The following SNX30 variants were observed in gnomAD, a reference collection of about 807,000 sequenced individuals.
SNX30 encodes the protein sorting nexin-30.
Under a neutral mutation model 46.4 loss-of-function variants are expected in SNX30, and 24 were observed. The observed-to-expected ratio is 0.52, with a 90% CI of 0.37 to 0.73. SNX30 has a LOEUF of 0.73. SNX30 is among the 30% of genes least tolerant of loss of function. SNX30 has a pLI of 0.00. For synonymous variants in SNX30, 189 were observed against 211.5 expected, an observed-to-expected ratio of 0.89 and a Z score of 0.92; for missense variants, 533 against 555.7, an observed-to-expected ratio of 0.96 and a Z score of 0.41.
intron 3 of SNX30, among the ~76,000 whole-genome samples, chr9:112,823,049 T>A (rs1191306420): frequency 6.6e-6 from 1 of 152,220 alleles, no homozygotes; most frequent in Non-Finnish European, 1.5e-5. Context: ...CAAACTAAAT[T>A]TTACTATAGG....
At chr9:112,772,002 C>T (rs1028680686) in intron 1 of SNX30, among the ~76,000 whole-genome samples, 1 of 152,180 alleles carries the variant, frequency 6.6e-6, no homozygotes, top group Non-Finnish European at 1.5e-5. Context: ...GGCAAACCTT[C>T]GGTTGTTTCA....
chr9:112,878,732 G>A (rs1197477121), downstream of SNX30: 1 of 152,248 alleles, frequency 6.6e-6, no homozygotes, highest in Non-Finnish European at 1.5e-5. Context: ...CACCTAGCAT[G>A]GGGCCTGGAC....
chr9:112,838,825 C>T (rs1036748582), intron 6 of SNX30, 128 bp downstream of exon 6: 43 of 761,048 alleles, frequency 5.7e-5, no homozygotes, highest in Non-Finnish European at 8.3e-5. Context: ...GGATCAGACA[C>T]GTGGACTGAC....
intron 1 of SNX30, among the ~76,000 whole-genome samples, chr9:112,783,845 A>G (rs1179529153): frequency 6.6e-6 from 1 of 152,194 alleles, no homozygotes; most frequent in Non-Finnish European, 1.5e-5. Flanking sequence ...GAAGCAAATT[A>G]CTGAAGGTGA....
At chr9:112,834,882 A>ACACACACACACACC (rs56385707) in intron 4 of SNX30, among the ~76,000 whole-genome samples, 2,316 of 105,230 alleles carry the variant, frequency 0.022, 64 homozygotes, top group African/African-American at 0.03. Context: ...ACACACACAC[A>ACACACACACACACC]CCTACCTCAA....
At chr9:112,778,862 G>A (rs1660173684) in intron 1 of SNX30, among the ~76,000 whole-genome samples, 1 of 142,768 alleles carries the variant, frequency 7.0e-6, no homozygotes, top group South Asian at 2.4e-4. Context: ...TTATGAAAGA[G>A]CTAGGTACAG....
intron 3 of SNX30, among the ~76,000 whole-genome samples, chr9:112,825,003 C>T (rs915549708): frequency 6.6e-6 from 1 of 152,196 alleles, no homozygotes; most frequent in African/African-American, 2.4e-5. Flanking sequence ...CAATTCCCTC[C>T]TTTTCCCAGC....
At chr9:112,794,036 A>G (rs192969941) in intron 1 of SNX30, among the ~76,000 whole-genome samples, 2 of 152,218 alleles carry the variant, frequency 1.3e-5, no homozygotes, top group East Asian at 3.9e-4. Flanking sequence ...ACATCTTTGA[A>G]CAGAACATTT....
intron 1 of SNX30, among the ~76,000 whole-genome samples, chr9:112,758,100 A>G (rs1564258061): frequency 6.6e-6 from 1 of 152,082 alleles, no homozygotes; most frequent in Non-Finnish European, 1.5e-5. Flanking sequence ...GCCACCAGAA[A>G]GGAACTTCCC....
At chr9:112,853,451 C>T (rs778778674) in intron 7 of SNX30, among the ~76,000 whole-genome samples, 2 of 152,224 alleles carry the variant, frequency 1.3e-5, no homozygotes, top group African/African-American at 2.4e-5. Flanking sequence ...CTACTGAAGC[C>T]ATGTCTCAGT....
Position 112,791,399 on chromosome 9 carries a change from C to CTTTTTTTTTTTTTTTTTTTT in SNX30, c.157-13367_157-13348dup, listed in dbSNP as rs386415930. On this transcript the variant is annotated intron_variant, in intron 1 of 8. Transcript: ENST00000374232. ...AAATACTTTTAAACATATTTAGGAACTTTTTTTTTTTTTTTTTTTTTTTTT... is the reference window on the plus strand; with the variant it reads ...AAATACTTTTAAACATATTTAGGAACTTTTTTTTTTTTTTTTTTTTTTTTTTTTTTTTTTTTTTTTTTTTT... Among the ~76,000 whole-genome samples the CTTTTTTTTTTTTTTTTTTTT allele has an allele frequency of 1.5e-4, 10 of 67,476 alleles. 3 individuals carry two copies. The highest frequency in any genetic ancestry group is 6.1e-4 in the African/African-American group (10 of 16,300). The allele number at this position is 67,476 out of a possible 152,430, so 44.3% of individuals were successfully genotyped here.
intron 3 of SNX30, among the ~76,000 whole-genome samples, chr9:112,825,377 C>A (rs1382014869): frequency 6.6e-6 from 1 of 152,162 alleles, no homozygotes; most frequent in Non-Finnish European, 1.5e-5. Context: ...TTACTGCAGC[C>A]TCCAACTCCT....
downstream of SNX30, among the ~76,000 whole-genome samples, chr9:112,882,720 C>T (rs994520615): frequency 3.3e-5 from 5 of 151,934 alleles, no homozygotes; most frequent in African/African-American, 7.3e-5. Flanking sequence ...TTTCTACCCT[C>T]GGTGGGTGGT....
At chr9:112,796,138 C>G (rs1214184567) in intron 1 of SNX30, among the ~76,000 whole-genome samples, 1 of 152,186 alleles carries the variant, frequency 6.6e-6, no homozygotes, top group East Asian at 1.9e-4. Flanking sequence ...TGAGATCAAA[C>G]CAGGCCAGAT....
intron 1 of SNX30, among the ~76,000 whole-genome samples, chr9:112,776,648 G>C (rs1410220903): frequency 1.3e-5 from 2 of 152,258 alleles, no homozygotes; most frequent in African/African-American, 4.8e-5. Flanking sequence ...GTGTAAACAT[G>C]TACATGTATG....
exon 6 of SNX30, chr9:112,881,601 C>A (rs1417161501): frequency 6.6e-6 from 1 of 152,178 alleles, no homozygotes; most frequent in East Asian, 1.9e-4. Context: ...ACTTATTAGT[C>A]AGCGTAAGTC....
chr9:112,751,822 C>T (rs186662257), intron 1 of SNX30, among the ~76,000 whole-genome samples: 2 of 152,114 alleles, frequency 1.3e-5, no homozygotes, highest in African/African-American at 4.8e-5. Flanking sequence ...AGAAAGCTCG[C>T]CCTTTGACCT....
At chr9:112,758,615 C>G (rs1337867846) in intron 1 of SNX30, among the ~76,000 whole-genome samples, 1 of 152,156 alleles carries the variant, frequency 6.6e-6, no homozygotes, top group African/African-American at 2.4e-5. Context: ...AGGTTGGTCT[C>G]GAACTCCTGA....
rs555466711 is a variant in SNX30 at position 112,832,850 on chromosome 9, TATATA to T, written c.618+1971_618+1975del. On this transcript the variant is annotated intron_variant, in intron 4 of 8. Transcript: ENST00000374232. ...ATATAATAAATATATTAATATATAATATATAATAAATATAATATATATAAAATATC... is the reference window on the plus strand; with the variant it reads ...ATATAATAAATATATTAATATATAATATAAATATAATATATATAAAATATC... Among the ~76,000 whole-genome samples the T allele has an allele frequency of 2.0e-5, 3 of 146,734 alleles. No individual in the cohort carries two copies. The Admixed American group carries it at 2.1e-4, about 10-fold the overall frequency.
Sources: allele counts gnomAD v4.1 joint callset (sites outside exome capture counted in the v4.1 genomes callset), GRCh38; gene constraint gnomAD v4.1.1; transcripts MANE v1.5; gene names NCBI Gene and HGNC (gene_info 2026-07-23, HGNC 2026-07-21).